The following DCC variants were observed in gnomAD, a reference collection of about 807,000 sequenced individuals.
DCC encodes DCC netrin 1 receptor, also known as netrin receptor DCC.
A neutral mutation model predicts 172.5 loss-of-function variants in DCC; 58 were observed. That is an observed-to-expected ratio of 0.34 (90% CI 0.27 to 0.42). The LOEUF is 0.42. DCC is among the 10% of genes least tolerant of loss of function. The pLI is 1.00. For missense variants in DCC, 1,740 were observed against 1,791.0 expected (o/e 0.97, Z 0.51); for synonymous variants, 709 against 644.5 (o/e 1.10, Z -1.52).
intron 1 of DCC, among the ~76,000 whole-genome samples, chr18:52,397,557 T>A (rs1392006959): frequency 6.6e-6 from 1 of 152,040 alleles, no homozygotes; most frequent in Non-Finnish European, 1.5e-5. Flanking sequence ...GCTGTTGGCC[T>A]TTTCTTTCAT....
chr18:53,089,833 T>C (rs895952490), intron 7 of DCC, among the ~76,000 whole-genome samples: 3 of 152,216 alleles, frequency 2.0e-5, no homozygotes, highest in African/African-American at 7.2e-5. Flanking sequence ...TTGTTTTTAG[T>C]TTAAAATCAT....
At chr18:52,349,518 C>A (rs1984024237) in intron 1 of DCC, among the ~76,000 whole-genome samples, 1 of 152,182 alleles carries the variant, frequency 6.6e-6, no homozygotes, top group African/African-American at 2.4e-5. Flanking sequence ...TGGTTATTTT[C>A]TCTCTCTGGT....
At chr18:53,443,702 A>G (rs1034896969) in intron 22 of DCC, among the ~76,000 whole-genome samples, 1 of 152,212 alleles carries the variant, frequency 6.6e-6, no homozygotes, top group Non-Finnish European at 1.5e-5. Context: ...AGGATTCACC[A>G]CTCTAGATGC....
At chr18:53,400,660 A>G (rs953352588) in intron 18 of DCC, among the ~76,000 whole-genome samples, 11 of 152,190 alleles carry the variant, frequency 7.2e-5, no homozygotes, top group African/African-American at 2.7e-4. Context: ...TAGGTCATTA[A>G]TTCCAATACC....
intron 7 of DCC, among the ~76,000 whole-genome samples, chr18:53,134,529 G>A (rs1181236804): frequency 6.6e-6 from 1 of 152,026 alleles, no homozygotes; most frequent in Non-Finnish European, 1.5e-5. Context: ...CAGGTTATTG[G>A]AGATACAGAG....
intron 2 of DCC, among the ~76,000 whole-genome samples, chr18:52,817,142 T>G (rs1471883325): frequency 6.6e-6 from 1 of 152,132 alleles, no homozygotes; most frequent in East Asian, 1.9e-4. Flanking sequence ...AGAATAAACT[T>G]CTACCAGAAA....
intron 1 of DCC, among the ~76,000 whole-genome samples, chr18:52,466,323 G>T (rs17748300): frequency 0.27 from 41,294 of 152,034 alleles, 6,368 homozygotes; most frequent in Admixed American, 0.4. Context: ...AATAACAGCA[G>T]TATTTTTATG....
At chr18:52,408,532 C>T (rs72918821) in intron 1 of DCC, among the ~76,000 whole-genome samples, 16,788 of 151,856 alleles carry the variant, frequency 0.11, 1,012 homozygotes, top group Middle Eastern at 0.18. Flanking sequence ...CAACTCAGGC[C>T]TACAAATTAA....
At chr18:53,390,235 A>G (rs1350703820) in intron 16 of DCC, among the ~76,000 whole-genome samples, 2 of 145,230 alleles carry the variant, frequency 1.4e-5, no homozygotes, top group African/African-American at 2.5e-5. Context: ...AATTTTAAAC[A>G]CAACTCTCTT....
At chr18:52,354,466 G>A (rs1243222838) in intron 1 of DCC, among the ~76,000 whole-genome samples, 1 of 152,166 alleles carries the variant, frequency 6.6e-6, no homozygotes, top group Non-Finnish European at 1.5e-5. Context: ...TAATCTTGTG[G>A]CAAAGTCTAA....
At chr18:53,098,549 A>G (rs1355383837) in intron 7 of DCC, among the ~76,000 whole-genome samples, 3 of 152,162 alleles carry the variant, frequency 2.0e-5, no homozygotes, top group African/African-American at 7.2e-5. Flanking sequence ...TAAGTTATGC[A>G]TTTTGAGTTG....
chr18:52,356,840 T>C (rs886647253), intron 1 of DCC, among the ~76,000 whole-genome samples: 29 of 152,056 alleles, frequency 1.9e-4, no homozygotes, highest in Admixed American at 1.6e-3. Context: ...TGGAGTGCAG[T>C]GATGTGATTT....
intron 1 of DCC, among the ~76,000 whole-genome samples, chr18:52,482,583 G>A (rs377470160): frequency 1.3e-5 from 2 of 152,232 alleles, no homozygotes; most frequent in East Asian, 1.9e-4. Flanking sequence ...GAGCAAGAAA[G>A]CTCTCTGGGG....
At chr18:52,844,438 C>T (rs1409690342) in intron 2 of DCC, among the ~76,000 whole-genome samples, 2 of 152,186 alleles carry the variant, frequency 1.3e-5, no homozygotes, top group African/African-American at 2.4e-5. Flanking sequence ...CTCATTAATA[C>T]ATGATCCTCT....
At chr18:53,211,039 A>G (rs956907843) in intron 11 of DCC, among the ~76,000 whole-genome samples, 1 of 152,112 alleles carries the variant, frequency 6.6e-6, no homozygotes, top group South Asian at 2.1e-4. Flanking sequence ...CTCTTGCACT[A>G]GTTGGTAAGT....
chr18:53,049,483 T>C (rs1338085638), intron 5 of DCC, among the ~76,000 whole-genome samples: 1 of 152,086 alleles, frequency 6.6e-6, no homozygotes, highest in Admixed American at 6.6e-5. Flanking sequence ...GTAGTAGTAG[T>C]AACTGGTGGT....
chr18:53,309,425 C>G (rs2144793170), intron 13 of DCC, among the ~76,000 whole-genome samples: 1 of 152,220 alleles, frequency 6.6e-6, no homozygotes, highest in East Asian at 1.9e-4. Context: ...CTAATTATAA[C>G]TGTAAAGACC....
At chr18:53,122,910 C>T (rs1325656944) in intron 7 of DCC, among the ~76,000 whole-genome samples, 1 of 151,990 alleles carries the variant, frequency 6.6e-6, no homozygotes, top group Non-Finnish European at 1.5e-5. Context: ...CATATCTTTG[C>T]CAAATGCCCC....
intron 27 of DCC, among the ~76,000 whole-genome samples, chr18:53,517,536 T>G (rs928013640): frequency 1.3e-5 from 2 of 151,812 alleles, no homozygotes; most frequent in Non-Finnish European, 2.9e-5. Context: ...TTTAAAAACT[T>G]GAGTAGTAAC....
Sources: allele counts gnomAD v4.1 joint callset (sites outside exome capture counted in the v4.1 genomes callset), GRCh38; gene constraint gnomAD v4.1.1; transcripts MANE v1.5; gene names NCBI Gene and HGNC (gene_info 2026-07-23, HGNC 2026-07-21).